The following BAZ1A variants were observed in gnomAD, a reference collection of about 807,000 sequenced individuals.
BAZ1A encodes bromodomain adjacent to zinc finger domain 1A, also known as bromodomain adjacent to zinc finger domain protein 1A.
A neutral mutation model predicts 185.2 loss-of-function variants in BAZ1A; 50 were observed. That is an observed-to-expected ratio of 0.27 (90% CI 0.22 to 0.34). BAZ1A has a LOEUF of 0.34. Ranked by LOEUF, BAZ1A falls within the 10% of genes least tolerant of loss-of-function variation. The pLI is 1.00. For synonymous variants in BAZ1A, 571 were observed against 615.6 expected, an observed-to-expected ratio of 0.93 and a Z score of 1.07; for missense variants, 1,356 against 1,839.9, an observed-to-expected ratio of 0.74 and a Z score of 4.81.
chr14:34,811,013 G>A lies in BAZ1A; in HGVS notation c.560C>T (p.Pro187Leu). 6.3e-7 allele frequency: 1 copy of A among 1,599,670 alleles called. No homozygotes were observed. The highest frequency in any genetic ancestry group is 2.2e-5 in the East Asian group (1 of 44,594). Residue 187 changes from proline to leucine, a missense_variant, in exon 5 of 27, where the codon CCC becomes CTC. Physicochemically the swap from Pro to Leu is moderately conservative, Grantham distance 98. Transcript: ENST00000360310. The part of the protein sequence containing the change: ...QNGKKKDAID[P>L]LLFKYKVQPT... ...TTGCACTTTATACTTGAATAGTAAG[G>A]GATCAATTGCATCTTTTTTCTTCCT...
At position 34,874,710 on chromosome 14, in the gene BAZ1A, G is replaced by C; in HGVS notation, c.-58-48C>G. 1 of 951,114 alleles carries C rather than the reference G, an allele frequency of 1.1e-6. No homozygotes were observed. Among genetic ancestry groups the C allele is most frequent in the Non-Finnish European group, 1.5e-6 (1 of 656,188 alleles). The allele number at this position is 951,114 out of a possible 1,614,324, so 58.9% of individuals were successfully genotyped here. ...AAAGCCGGTAAGGTGGGGAGCCCTC[G>C]GCGGCAGCGTGGGCCGGTCCGCGCG... On this transcript the variant is annotated intron_variant, in intron 1 of 26. Coordinates refer to ENST00000360310, the MANE Select transcript of BAZ1A (RefSeq NM_013448.3). The surrounding 1 kb of genome is among the most constrained non-coding windows in gnomAD (Gnocchi z 4.7).
chr14:34,768,769 T>C (rs1433946937), intron 21 of BAZ1A: 1 of 432,112 alleles, frequency 2.3e-6, no homozygotes, highest in Non-Finnish European at 4.6e-6. Context: ...TCCTTATTAA[T>C]TTCTGTTTTA....
intron 24 of BAZ1A, among the ~76,000 whole-genome samples, chr14:34,760,722 C>A (rs1886485925): frequency 6.6e-6 from 1 of 151,892 alleles, no homozygotes; most frequent in Non-Finnish European, 1.5e-5. Flanking sequence ...CTTGGTGGTG[C>A]ATTCCTGTAG....
rs1411465838 is a variant in BAZ1A, at chr14:34,761,981, T to C, written c.4019A>G (p.His1340Arg). The change falls in exon 24 of 27, where the codon CAT becomes CGT. Residue 1340 changes from histidine (H) to arginine (R), a missense_variant. His to Arg is a conservative substitution (Grantham distance 29). Transcript: ENST00000360310. ...RIASRSTRHSHGPLQADVFVE... is the reference protein window; with the variant it reads ...RIASRSTRHSRGPLQADVFVE... ...AAATACATCTGCTTGCAGTGGGCCA[T>C]GACTGTGGCGAGTAGAACGACTGGC... 6.2e-7 allele frequency: 1 copy of C among 1,614,094 alleles called. No individual in the cohort carries two copies. Among genetic ancestry groups the C allele is most frequent in the Non-Finnish European group, 8.5e-7 (1 of 1,180,048 alleles).
At chr14:34,857,109 T>C (rs551633674) in intron 3 of BAZ1A, among the ~76,000 whole-genome samples, 2 of 150,518 alleles carry the variant, frequency 1.3e-5, no homozygotes, top group East Asian at 2.0e-4. Context: ...CAGGTTCACA[T>C]CATTCTCCTG....
At chr14:34,870,976 T>C (rs2042940777) in intron 2 of BAZ1A, among the ~76,000 whole-genome samples, 1 of 152,132 alleles carries the variant, frequency 6.6e-6, no homozygotes, top group Admixed American at 6.5e-5. Flanking sequence ...CACCTGTTAG[T>C]GATGTTGTGG....
chr14:34,760,142 C>T lies in BAZ1A; in HGVS notation c.4244-1296G>A, dbSNP rs2138538853. Among the ~76,000 whole-genome samples, 2 of 152,252 alleles carry T rather than the reference C, an allele frequency of 1.3e-5. 1 individual carries two copies. The highest frequency in any genetic ancestry group is 6.8e-3 in the Middle Eastern group (2 of 294). ...TAAATTCTCTCCTTGCAGTGTAGGT[C>T]CACACATTTCCCCTTTTGTTTGTCC... On this transcript the variant is annotated intron_variant, in intron 24 of 26. Transcript: ENST00000360310.
At chr14:34,811,943 A>G (rs1204809353) in intron 4 of BAZ1A, among the ~76,000 whole-genome samples, 1 of 152,110 alleles carries the variant, frequency 6.6e-6, no homozygotes, top group Non-Finnish European at 1.5e-5. Context: ...CCCCCCACCA[A>G]CTTCACATCT....
intron 4 of BAZ1A, among the ~76,000 whole-genome samples, chr14:34,813,269 G>A (rs1358719940): frequency 6.6e-6 from 1 of 152,128 alleles, no homozygotes; most frequent in Non-Finnish European, 1.5e-5. Flanking sequence ...GCATGTGTGT[G>A]TGGTCCCAGC....
chr14:34,756,436 C>T (rs1886250383), intron 25 of BAZ1A, among the ~76,000 whole-genome samples: 1 of 140,378 alleles, frequency 7.1e-6, no homozygotes, highest in Non-Finnish European at 1.5e-5. Flanking sequence ...AGATTACAGG[C>T]GTGACACACT....
intron 16 of BAZ1A, 59 bp downstream of exon 16, chr14:34,783,060 G>T: frequency 7.8e-7 from 1 of 1,280,828 alleles, no homozygotes. Context: ...AGTTTAAGGT[G>T]TCTGGTTTTT....
At chr14:34,831,046 C>T (rs1005797960) in intron 3 of BAZ1A, among the ~76,000 whole-genome samples, 4 of 152,130 alleles carry the variant, frequency 2.6e-5, no homozygotes, top group Non-Finnish European at 5.9e-5. Context: ...TAAATACCTA[C>T]CATTGGGCTA....
intron 18 of BAZ1A, 99 bp from the exon 19 acceptor site, chr14:34,774,589 G>A: frequency 1.9e-6 from 2 of 1,055,010 alleles, no homozygotes; most frequent in East Asian, 2.7e-5. Context: ...ATATAAAAGT[G>A]CTTTGTAAAT....
In BAZ1A at chr14:34,758,562, AGAGT is replaced by A; in HGVS notation, c.4386+138_4386+141del. ...GCCACTGCACTCCAGCCTGGGCGAC[AGAGT>A]GAGACTGTCTCAGGAAAAAACAACA... is the stretch of plus-strand genomic sequence containing the variant. On this transcript the variant is annotated intron_variant, in intron 25 of 26. Coordinates refer to ENST00000360310, the MANE Select transcript of BAZ1A (RefSeq NM_013448.3). The A allele has an allele frequency of 4.9e-6, 4 of 812,578 alleles. No homozygotes were observed. In the East Asian group the frequency reaches 8.5e-5, roughly 17 times the overall value. The allele number at this position is 812,578 out of a possible 1,614,324, so 50.3% of individuals were successfully genotyped here. A position where few individuals can be genotyped will look rare whatever the true frequency, so the allele number is the denominator to read the frequency against.
In BAZ1A at chr14:34,839,560, T is replaced by G. The variant is rs903824331; in HGVS notation, c.393-13404A>C. Among the ~76,000 whole-genome samples the G allele has an allele frequency of 4.2e-4, 45 of 106,352 alleles. 1 individual carries two copies. The highest frequency in any genetic ancestry group is 1.4e-3 in the African/African-American group (41 of 28,446). The allele number at this position is 106,352 out of a possible 152,430, so 69.8% of individuals were successfully genotyped here. On this transcript the variant is annotated intron_variant, in intron 3 of 26. Transcript: ENST00000360310. ...CTTTCAAAAAAAAAAAAAAAAAAAG[T>G]AGGCCAGGCGTGGTGGCTCACACCT...
rs749820491 is a variant in BAZ1A, at chr14:34,764,879, T to C, written c.3604A>G (p.Arg1202Gly). 1 of 1,614,180 alleles carries C rather than the reference T, an allele frequency of 6.2e-7. No homozygotes were observed. Among genetic ancestry groups the C allele is most frequent in the South Asian group, 1.1e-5 (1 of 91,082 alleles). Residue 1202 changes from arginine to glycine, a missense_variant, in exon 23 of 27, where the codon AGA becomes GGA. Transcript: ENST00000360310. ...GGTCTCTGTCTAGAGGAGAGTCTTC[T>C]AGAACGTTGCTTTGGTCGACATTCT... ...CPECRPKQRS[R>G]RLSSRQRPSL...
In BAZ1A at chr14:34,761,930, T is replaced by G; in HGVS notation, c.4070A>C (p.Lys1357Thr). 1 of 1,614,224 alleles carries G rather than the reference T, an allele frequency of 6.2e-7. No individual in the cohort carries two copies. The highest frequency in any genetic ancestry group is 8.5e-7 in the Non-Finnish European group (1 of 1,180,040). Residue 1357 changes from lysine to threonine, a missense_variant, in exon 24 of 27, where the codon AAA (lysine) becomes ACA (threonine). Physicochemically the swap from Lys to Thr is moderately conservative, Grantham distance 78. Coordinates refer to ENST00000360310, the MANE Select transcript of BAZ1A (RefSeq NM_013448.3). ...VFVELLSPRRKRRGRKSANNT... is the reference protein window; with the variant it reads ...VFVELLSPRRTRRGRKSANNT... ...ATTAGCACTTTTCCTGCCTCTGCGT[T>G]TTCTACGAGGACTAAGCAATTCCAC...
intron 3 of BAZ1A, among the ~76,000 whole-genome samples, chr14:34,832,209 C>CATATATAT (rs1346957821): frequency 1.6e-5 from 1 of 63,934 alleles, no homozygotes; most frequent in African/African-American, 5.1e-5. Flanking sequence ...CACACACACA[C>CATATATAT]ACACACATAT....
At chr14:34,845,732 G>T (rs2042499472) in intron 3 of BAZ1A, among the ~76,000 whole-genome samples, 1 of 151,914 alleles carries the variant, frequency 6.6e-6, no homozygotes, top group Non-Finnish European at 1.5e-5. Flanking sequence ...GTGGTGGCGT[G>T]TGCCTGTAGT....
Sources: gnomAD v4.1 joint callset for allele counts (sites outside exome capture counted in the v4.1 genomes callset) on GRCh38, gnomAD v4.1.1 for gene constraint, Gnocchi (gnomAD v3.1) non-coding constraint, MANE v1.5 for transcripts, NCBI Gene and HGNC (gene_info 2026-07-23, HGNC 2026-07-21) for gene names.